NMNAT3: variants seen among roughly 807,000 people sequenced by gnomAD.
NMNAT3 encodes nicotinamide nucleotide adenylyltransferase 3.
NMNAT3 carries 21 observed loss-of-function variants against 24.8 expected under a neutral mutation model. The ratio of observed to expected loss-of-function variants is 0.85; its 90% CI spans 0.60 to 1.22. The LOEUF (loss-of-function observed/expected upper bound fraction) is 1.22. Ranked by LOEUF, NMNAT3 falls within the 50% of genes most tolerant of loss-of-function variation. The pLI, the probability that NMNAT3 is intolerant of heterozygous loss-of-function variation, is 0.00. For missense variants in NMNAT3, 387 were observed against 436.6 expected, an observed-to-expected ratio of 0.89 and a Z score of 1.01; for synonymous variants, 136 against 155.2, an observed-to-expected ratio of 0.88 and a Z score of 0.92.
chr3:139,597,930 A>T (rs1359941834), intron 3 of NMNAT3, among the ~76,000 whole-genome samples: 1 of 152,252 alleles, frequency 6.6e-6, no homozygotes, highest in African/African-American at 2.4e-5. Context: ...CAGCTGACTC[A>T]AGATCTGTGA....
intron 3 of NMNAT3, among the ~76,000 whole-genome samples, chr3:139,584,689 A>G (rs577935082): frequency 6.6e-6 from 1 of 152,334 alleles, no homozygotes; most frequent in South Asian, 2.1e-4. Context: ...AATATACTCT[A>G]TATTGATTCA....
At chr3:139,622,762 C>CATATATATGATATATATGAT (rs1365015729) in intron 3 of NMNAT3, among the ~76,000 whole-genome samples, 1 of 133,102 alleles carries the variant, frequency 7.5e-6, no homozygotes, top group Non-Finnish European at 1.6e-5. Flanking sequence ...GTATATATAT[C>CATATATATGATATATATGAT]ATATATATCA....
At chr3:139,671,751 C>A (rs1158778247) in intron 1 of NMNAT3, among the ~76,000 whole-genome samples, 1 of 152,196 alleles carries the variant, frequency 6.6e-6, no homozygotes, top group African/African-American at 2.4e-5. Context: ...GTGCAATAAA[C>A]CTATTACTGA....
intron 3 of NMNAT3, among the ~76,000 whole-genome samples, chr3:139,624,451 CTT>C (rs112859077): frequency 6.4e-5 from 9 of 141,376 alleles, no homozygotes; most frequent in Non-Finnish European, 3.1e-5. Flanking sequence ...TTTATTGAGA[CTT>C]TTTTTTTTTT....
At chr3:139,599,935 T>G (rs1221727517) in intron 3 of NMNAT3, among the ~76,000 whole-genome samples, 2 of 152,170 alleles carry the variant, frequency 1.3e-5, no homozygotes, top group African/African-American at 4.8e-5. Flanking sequence ...TACTCCAAAA[T>G]GGAGCCTAGC....
chr3:139,631,211 A>C (rs148434892), intron 2 of NMNAT3, among the ~76,000 whole-genome samples: 4 of 152,246 alleles, frequency 2.6e-5, no homozygotes, highest in African/African-American at 9.6e-5. Context: ...AGGACACAGG[A>C]GTGCACATTC....
intron 6 of NMNAT3, among the ~76,000 whole-genome samples, chr3:139,572,748 A>C (rs948088985): frequency 1.3e-5 from 2 of 152,204 alleles, no homozygotes; most frequent in Non-Finnish European, 2.9e-5. Flanking sequence ...AAATGGTAAG[A>C]ATGACTGCAA....
chr3:139,566,689 T>G (rs1198133153), intron 6 of NMNAT3: 1 of 152,220 alleles, frequency 6.6e-6, no homozygotes, highest in East Asian at 1.9e-4. Flanking sequence ...GTGGCATTAT[T>G]TCTGAGGGCT....
At chr3:139,630,881 G>C (rs1222349946) in intron 2 of NMNAT3, among the ~76,000 whole-genome samples, 1 of 152,104 alleles carries the variant, frequency 6.6e-6, no homozygotes, top group Non-Finnish European at 1.5e-5. Context: ...TGAAAAGGTG[G>C]CTGTTTTTTT....
intron 3 of NMNAT3, among the ~76,000 whole-genome samples, chr3:139,625,393 T>C (rs924138139): frequency 6.6e-6 from 1 of 152,202 alleles, no homozygotes; most frequent in Non-Finnish European, 1.5e-5. Context: ...ATCTGTTTTT[T>C]GTTCCCTGTT....
Position 139,642,227 on chromosome 3 carries a change from A to G in NMNAT3, c.-140-4165T>C, listed in dbSNP as rs184682292. 2.1e-4 allele frequency among the ~76,000 whole-genome samples: 32 copies of G among 152,320 alleles called. No homozygotes were observed. The East Asian group carries it at 5.8e-3, about 28-fold the overall frequency. ...TTATTATTATATAAACTGCTAAAATATCTTTATTGCTAAAGCGCCTGCTGA... is the reference window on the plus strand; with the variant it reads ...TTATTATTATATAAACTGCTAAAATGTCTTTATTGCTAAAGCGCCTGCTGA... On this transcript the variant is annotated intron_variant, in intron 1 of 6. Transcript: ENST00000643695.
chr3:139,568,860 G>A lies in NMNAT3; in HGVS notation c.658+4738C>T, dbSNP rs1576509004. The A allele has an allele frequency of 2.6e-5, 4 of 152,316 alleles. No homozygotes were observed. The East Asian group carries it at 7.7e-4, about 29-fold the overall frequency. The allele number at this position is 152,316 out of a possible 1,614,324, so 9.4% of individuals were successfully genotyped here. On this transcript the variant is annotated intron_variant, in intron 6 of 6. Coordinates refer to ENST00000643695, the MANE Select transcript of NMNAT3 (RefSeq NM_001320510.2). Reference sequence around the variant, plus strand: ...AGTTCTGTAGATGTCTATTAAGTCTGCTTGGTGCAGAGCTCAGTTCAATTC... The same window carrying A: ...AGTTCTGTAGATGTCTATTAAGTCTACTTGGTGCAGAGCTCAGTTCAATTC...
intron 4 of NMNAT3, among the ~76,000 whole-genome samples, chr3:139,580,258 G>A (rs901531661): frequency 1.4e-5 from 2 of 145,486 alleles, no homozygotes; most frequent in Admixed American, 1.3e-4. Flanking sequence ...GAGTAGCTGA[G>A]ACTACAGGCA....
rs774364651 is a variant in NMNAT3, at chr3:139,561,364, C to T, written c.687G>A (p.Gly229=). The T allele has an allele frequency of 6.2e-6, 10 of 1,613,492 alleles. No homozygotes were observed. The highest frequency in any genetic ancestry group is 7.6e-6 in the Non-Finnish European group (9 of 1,179,718). ...TCTGGAAGGTCTTCAAGACGTCTGCCCCACAGAGAAGCTTCAGCTCAGGCA... is the reference window on the plus strand; with the variant it reads ...TCTGGAAGGTCTTCAAGACGTCTGCTCCACAGAGAAGCTTCAGCTCAGGCA... The change falls in exon 7 of 7, where the codon GGG becomes GGA. Residue 229 remains glycine, a synonymous_variant. Coordinates refer to ENST00000643695, the MANE Select transcript of NMNAT3 (RefSeq NM_001320510.2).
chr3:139,646,602 C>G (rs1405769675), intron 1 of NMNAT3, among the ~76,000 whole-genome samples: 5 of 152,162 alleles, frequency 3.3e-5, no homozygotes, highest in African/African-American at 1.2e-4. Flanking sequence ...CCTAATGTCT[C>G]TATAATATAT....
intron 6 of NMNAT3, among the ~76,000 whole-genome samples, chr3:139,564,782 A>AACTT (rs1374143179): frequency 2.0e-5 from 3 of 152,376 alleles, no homozygotes; most frequent in Non-Finnish European, 1.5e-5. Flanking sequence ...TCAAAAGCCA[A>AACTT]ACTTATGCTG....
chr3:139,568,706 A>G (rs1182103471), intron 6 of NMNAT3: 2 of 152,118 alleles, frequency 1.3e-5, no homozygotes, highest in Non-Finnish European at 2.9e-5. Context: ...GGTCTGAGGG[A>G]CAGTTTGTTA....
chr3:139,610,552 T>C (rs1046791954), intron 3 of NMNAT3, among the ~76,000 whole-genome samples: 1 of 152,210 alleles, frequency 6.6e-6, no homozygotes, highest in Non-Finnish European at 1.5e-5. Context: ...TGAATAGTTT[T>C]TCAGACCAGG....
At chr3:139,669,476 C>CAAAAAAAAAAAAAAAAA (rs1491427335) in intron 1 of NMNAT3, among the ~76,000 whole-genome samples, 1 of 34,466 alleles carries the variant, frequency 2.9e-5, no homozygotes. Context: ...GACCCTGTCT[C>CAAAAAAAAAAAAAAAAA]AGAAAAAAAA....
Sources: allele counts gnomAD v4.1 joint callset (sites outside exome capture counted in the v4.1 genomes callset), GRCh38; gene constraint gnomAD v4.1.1; transcripts MANE v1.5; gene names NCBI Gene and HGNC (gene_info 2026-07-23, HGNC 2026-07-21).